Variants in EBF1 observed in about 807,000 individuals in gnomAD.
EBF1 encodes EBF transcription factor 1.
Under a neutral mutation model 68.4 loss-of-function variants are expected in EBF1, and 10 were observed. That is an observed-to-expected ratio of 0.15 (90% CI 0.09 to 0.25). The LOEUF is 0.25. Ranked by LOEUF, EBF1 falls within the 10% of genes least tolerant of loss-of-function variation. EBF1 has a pLI of 1.00. For missense variants in EBF1, 509 were observed against 794.4 expected (o/e 0.64, Z 4.32); for synonymous variants, 298 against 299.8 (o/e 0.99, Z 0.06).
intron 10 of EBF1, among the ~76,000 whole-genome samples, chr5:158,772,332 A>T (rs1289351017): frequency 6.6e-6 from 1 of 151,676 alleles, no homozygotes; most frequent in East Asian, 1.9e-4. Context: ...TCTGGTGAAA[A>T]CTCTGGAAGC....
chr5:158,702,079 A>T (rs1756884815), intron 15 of EBF1, among the ~76,000 whole-genome samples: 1 of 152,194 alleles, frequency 6.6e-6, no homozygotes, highest in Non-Finnish European at 1.5e-5. Context: ...CCCAATCATG[A>T]CTTCCTAAAC....
chr5:158,909,786 A>G (rs905985176), intron 6 of EBF1, among the ~76,000 whole-genome samples: 2 of 151,854 alleles, frequency 1.3e-5, no homozygotes, highest in African/African-American at 4.8e-5. Context: ...AACATACAAA[A>G]ATTAGCTGGA....
chr5:159,026,909 T>C (rs1186799406), intron 6 of EBF1, among the ~76,000 whole-genome samples: 2 of 152,162 alleles, frequency 1.3e-5, no homozygotes, highest in South Asian at 2.1e-4. Context: ...AAATTCCCAC[T>C]TGGGGGGAAT....
intron 10 of EBF1, among the ~76,000 whole-genome samples, chr5:158,759,106 A>T (rs947487648): frequency 6.6e-6 from 1 of 152,228 alleles, no homozygotes; most frequent in African/African-American, 2.4e-5. Flanking sequence ...CATTAAATGT[A>T]CCATACATCT....
chr5:158,841,747 A>G (rs1790378987), intron 6 of EBF1, among the ~76,000 whole-genome samples: 1 of 152,254 alleles, frequency 6.6e-6, no homozygotes, highest in Non-Finnish European at 1.5e-5. Context: ...GAAGTCCCAG[A>G]TGAATCCCTC....
At chr5:159,006,422 G>A (rs1763556473) in intron 6 of EBF1, among the ~76,000 whole-genome samples, 1 of 151,986 alleles carries the variant, frequency 6.6e-6, no homozygotes, top group Admixed American at 6.6e-5. Flanking sequence ...GGTTAACTCT[G>A]GAAAGGCTAG....
chr5:159,070,623 A>T (rs567704870), intron 6 of EBF1, among the ~76,000 whole-genome samples: 1 of 152,290 alleles, frequency 6.6e-6, no homozygotes, highest in South Asian at 2.1e-4. Flanking sequence ...TTTGACTGAT[A>T]AAAATAGTAG....
chr5:159,033,005 C>G (rs967848407), intron 6 of EBF1, among the ~76,000 whole-genome samples: 1 of 152,036 alleles, frequency 6.6e-6, no homozygotes, highest in Non-Finnish European at 1.5e-5. Context: ...CTCCCACATC[C>G]GCCCCCACCC....
chr5:159,073,973 T>C (rs1240507927), intron 5 of EBF1, among the ~76,000 whole-genome samples: 2 of 152,198 alleles, frequency 1.3e-5, no homozygotes, highest in Non-Finnish European at 2.9e-5. Flanking sequence ...AACCACAGCC[T>C]TTCCAAAAAT....
intron 6 of EBF1, among the ~76,000 whole-genome samples, chr5:158,933,027 T>C (rs1218170837): frequency 6.6e-6 from 1 of 152,228 alleles, no homozygotes; most frequent in Non-Finnish European, 1.5e-5. Flanking sequence ...CCACTTTTCC[T>C]TTCACTGGGC....
chr5:159,059,757 AG>A (rs991583958), intron 6 of EBF1, among the ~76,000 whole-genome samples: 1 of 152,206 alleles, frequency 6.6e-6, no homozygotes, highest in African/African-American at 2.4e-5. Flanking sequence ...TAAATTAACA[AG>A]GGGGGACCAG....
At chr5:158,940,863 C>CGT (rs1813194950) in intron 6 of EBF1, among the ~76,000 whole-genome samples, 5 of 146,850 alleles carry the variant, frequency 3.4e-5, no homozygotes, top group Middle Eastern at 3.4e-3. Flanking sequence ...TGGAATAAAA[C>CGT]CACTCCAGAT....
chr5:158,869,729 G>A (rs1428473468), intron 6 of EBF1, among the ~76,000 whole-genome samples: 1 of 152,060 alleles, frequency 6.6e-6, no homozygotes, highest in South Asian at 2.1e-4. Flanking sequence ...CAGTGACTTG[G>A]AATCATGCAT....
At chr5:158,830,430 C>A (rs1175720769) in intron 7 of EBF1, among the ~76,000 whole-genome samples, 2 of 152,162 alleles carry the variant, frequency 1.3e-5, no homozygotes, top group African/African-American at 2.4e-5. Flanking sequence ...ACCACCACAC[C>A]CAGCTAATTT....
At chr5:158,721,246 GT>G (rs890474149) in intron 11 of EBF1, among the ~76,000 whole-genome samples, 29 of 152,136 alleles carry the variant, frequency 1.9e-4, no homozygotes, top group African/African-American at 7.0e-4. Flanking sequence ...ATGGTTGGAG[GT>G]AAACCAGAAA....
intron 6 of EBF1, among the ~76,000 whole-genome samples, chr5:159,030,513 A>T (rs1768569311): frequency 6.6e-6 from 1 of 152,226 alleles, no homozygotes; most frequent in Non-Finnish European, 1.5e-5. Flanking sequence ...GAGGAGCTGG[A>T]GAAAGCCTCC....
chr5:158,911,000 C>A (rs946095378), intron 6 of EBF1, among the ~76,000 whole-genome samples: 5 of 152,086 alleles, frequency 3.3e-5, no homozygotes, highest in African/African-American at 1.2e-4. Context: ...GTATGCCTTG[C>A]AGGGGAGCAA....
intron 6 of EBF1, among the ~76,000 whole-genome samples, chr5:159,020,199 G>A (rs1485369708): frequency 1.3e-5 from 2 of 152,096 alleles, no homozygotes; most frequent in African/African-American, 4.8e-5. Context: ...TTCCCATGAG[G>A]CAGCAGTTCT....
chr5:158,926,583 G>C (rs561781778), intron 6 of EBF1, among the ~76,000 whole-genome samples: 5 of 151,952 alleles, frequency 3.3e-5, no homozygotes, highest in East Asian at 1.9e-4. Flanking sequence ...AATTAGCCAG[G>C]CATGGTGGCA....
Sources: allele counts gnomAD v4.1 joint callset (sites outside exome capture counted in the v4.1 genomes callset), GRCh38; gene constraint gnomAD v4.1.1; transcripts MANE v1.5; gene names NCBI Gene and HGNC (gene_info 2026-07-23, HGNC 2026-07-21).